Variants in ERO1A observed in about 807,000 individuals in gnomAD.
The protein encoded by ERO1A is ERO1-like protein alpha.
ERO1A carries 49 observed loss-of-function variants against 76.9 expected under a neutral mutation model. The ratio of observed to expected loss-of-function variants is 0.64; its 90% CI spans 0.51 to 0.81. The LOEUF (loss-of-function observed/expected upper bound fraction) is 0.81, where lower values mean the gene tolerates loss of function less well. ERO1A is among the 30% of genes least tolerant of loss of function. ERO1A has a pLI of 0.00. For missense variants in ERO1A, 448 were observed against 542.1 expected, an observed-to-expected ratio of 0.83 and a Z score of 1.72; for synonymous variants, 174 against 181.2, an observed-to-expected ratio of 0.96 and a Z score of 0.32.
chr14:52,678,058 C>T (rs932027675), intron 4 of ERO1A, among the ~76,000 whole-genome samples: 1 of 151,708 alleles, frequency 6.6e-6, no homozygotes, highest in East Asian at 1.9e-4. Flanking sequence ...CAGAGGTCGG[C>T]AATTCGAGAC....
In ERO1A at chr14:52,640,686, T is replaced by C. The variant is rs897878244; in HGVS notation, c.*2884A>G. 3 of 152,126 alleles carry C rather than the reference T, an allele frequency of 2.0e-5. No individual in the cohort carries two copies. The East Asian group carries it at 5.8e-4, about 29-fold the overall frequency. 9.4% of individuals were successfully genotyped at this position (152,126 alleles called of 1,614,324 possible). ...AATAGCAATGAAGATGAAAGAGTGATGTATCAGAGAGGTGGAGATAAAATC... is the reference window on the plus strand; with the variant it reads ...AATAGCAATGAAGATGAAAGAGTGACGTATCAGAGAGGTGGAGATAAAATC... On this transcript the variant is annotated 3_prime_UTR_variant, in exon 16 of 16. Transcript: ENST00000395686.
At chr14:52,666,742 C>G (rs2040424945) in intron 6 of ERO1A, among the ~76,000 whole-genome samples, 1 of 152,116 alleles carries the variant, frequency 6.6e-6, no homozygotes, top group Admixed American at 6.5e-5. Context: ...TCCAGCCTGG[C>G]CAACATAGTG....
chr14:52,644,595 A>C (rs2039580726), intron 15 of ERO1A, among the ~76,000 whole-genome samples: 1 of 152,194 alleles, frequency 6.6e-6, no homozygotes, highest in South Asian at 2.1e-4. Context: ...TCGTATGCTT[A>C]ATATTAAAGT....
At chr14:52,690,723 AC>A (rs1375248070) in intron 1 of ERO1A, among the ~76,000 whole-genome samples, 1 of 152,046 alleles carries the variant, frequency 6.6e-6, no homozygotes, top group Non-Finnish European at 1.5e-5. Context: ...AAGGATAAGG[AC>A]CTTTTATATA....
In ERO1A at chr14:52,683,880, A is replaced by G; in HGVS notation, c.142T>C (p.Cys48Arg). 2 of 1,589,796 alleles carry G rather than the reference A, an allele frequency of 1.3e-6. No individual in the cohort carries two copies. The highest frequency in any genetic ancestry group is 2.2e-5 in the East Asian group (1 of 44,500). Residue 48 changes from cysteine (C) to arginine (R), a missense_variant, in exon 2 of 16, where the codon TGT (cysteine) becomes CGT (arginine). By Grantham distance (180) the Cys-to-Arg change is radical. Around this residue, in one of 2 missense-constraint regions of ERO1A, gnomAD observed 146 missense variants for 130.2 expected, o/e 1.12. Transcript: ENST00000395686. ...QVSGYLDDCT[C>R]DVETIDRFNN... Reference sequence around the variant, plus strand: ...AATCTATCAATGGTTTCAACATCACAGGTACAATCATCCAAGTAACCACTA... The same window carrying G: ...AATCTATCAATGGTTTCAACATCACGGGTACAATCATCCAAGTAACCACTA...
chr14:52,646,599 T>C, intron 13 of ERO1A, 138 bp from the exon 14 acceptor site: 8 of 610,538 alleles, frequency 1.3e-5, no homozygotes, highest in Non-Finnish European at 2.3e-5. Flanking sequence ...TAATATTCAT[T>C]GATTCTACAT....
intron 6 of ERO1A, among the ~76,000 whole-genome samples, chr14:52,667,201 T>C (rs1409970342): frequency 2.0e-5 from 3 of 152,296 alleles, no homozygotes; most frequent in Middle Eastern, 3.4e-3. Context: ...TACTTTCTTC[T>C]TAGATGACCA....
At chr14:52,648,259 G>A (rs539527972) in intron 13 of ERO1A, among the ~76,000 whole-genome samples, 10 of 151,912 alleles carry the variant, frequency 6.6e-5, no homozygotes, top group African/African-American at 1.4e-4. Context: ...AAAACTAACC[G>A]GTAATATTAC....
At position 52,652,314 on chromosome 14, in the gene ERO1A, T is replaced by C; in HGVS notation, c.1056-6A>G. ...CAAAATGCAAAGGAAATGACCTGCGTTTTAAAACAGAGAATATTCATTTTC... is the reference window on the plus strand; with the variant it reads ...CAAAATGCAAAGGAAATGACCTGCGCTTTAAAACAGAGAATATTCATTTTC... On this transcript the variant is annotated splice_region_variant and splice_polypyrimidine_tract_variant and intron_variant, in intron 12 of 15. Transcript: ENST00000395686. The C allele has an allele frequency of 2.5e-6, 4 of 1,597,446 alleles. No homozygotes were observed. The highest frequency in any genetic ancestry group is 3.4e-6 in the Non-Finnish European group (4 of 1,165,248).
At chr14:52,644,498 CTTAATA>C (rs1289742175) in intron 15 of ERO1A, among the ~76,000 whole-genome samples, 1 of 151,828 alleles carries the variant, frequency 6.6e-6, no homozygotes, top group Non-Finnish European at 1.5e-5. Flanking sequence ...AGTATACTCC[CTTAATA>C]TTAAAGTATA....
intron 1 of ERO1A, among the ~76,000 whole-genome samples, chr14:52,688,275 C>A (rs1019263165): frequency 6.6e-6 from 1 of 151,974 alleles, no homozygotes; most frequent in African/African-American, 2.4e-5. Context: ...CCAAGCAAAA[C>A]AGCAAATCCC....
intron 10 of ERO1A, 53 bp downstream of exon 10, chr14:52,658,071 A>C (rs773124743): frequency 6.7e-7 from 1 of 1,499,960 alleles, no homozygotes; most frequent in South Asian, 1.2e-5. Context: ...ACATAAAATT[A>C]ATCTCATGAG....
rs1038658978 is a variant in ERO1A at position 52,642,567 on chromosome 14, C to T, written c.*1003G>A. Reference sequence around the variant, plus strand: ...TTTTTAGTAATTATTCAGTATTACACACTGAAGTATTTAGGGTTTAAGGGG... The same window carrying T: ...TTTTTAGTAATTATTCAGTATTACATACTGAAGTATTTAGGGTTTAAGGGG... On this transcript the variant is annotated 3_prime_UTR_variant, in exon 16 of 16. Transcript: ENST00000395686. 3.3e-5 allele frequency: 5 copies of T among 152,084 alleles called. No homozygotes were observed. The highest frequency in any genetic ancestry group is 2.1e-4 in the South Asian group (1 of 4,828). The allele number at this position is 152,084 out of a possible 1,614,324, so 9.4% of individuals were successfully genotyped here.
rs1350789470 is a variant in ERO1A at position 52,640,566 on chromosome 14, A to C, written c.*3004T>G. ...GGATATTAGGGAGTAACACTGTCAG[A>C]GTGCTTCTAGAAAGCCTGCTGTGGT... On this transcript the variant is annotated 3_prime_UTR_variant, in exon 16 of 16. Transcript: ENST00000395686. 6.6e-6 allele frequency: 1 copy of C among 152,408 alleles called. No homozygotes were observed. The highest frequency in any genetic ancestry group is 2.1e-4 in the South Asian group (1 of 4,834). 9.4% of individuals were successfully genotyped at this position (152,408 alleles called of 1,614,324 possible).
Position 52,683,923 on chromosome 14 carries a change from T to C in ERO1A, c.115-16A>G. 3 of 1,553,714 alleles carry C rather than the reference T, an allele frequency of 1.9e-6. No homozygotes were observed. Among genetic ancestry groups the C allele is most frequent in the Non-Finnish European group, 2.6e-6 (3 of 1,153,264 alleles). On this transcript the variant is annotated splice_polypyrimidine_tract_variant and intron_variant, in intron 1 of 15. Transcript: ENST00000395686. ...AACCACTAACCTGTTACAAAGAAAA[T>C]GAAATATTAAATTGAAATGTCCTAA...
chr14:52,671,470 G>A, intron 6 of ERO1A, 160 bp downstream of exon 6: 1 of 546,820 alleles, frequency 1.8e-6, no homozygotes, highest in East Asian at 3.0e-5. Flanking sequence ...ATGTTGCCCA[G>A]TCTGGATTCA....
chr14:52,658,228 T>G (rs1169915962), intron 9 of ERO1A, 78 bp from the exon 10 acceptor site: 2 of 1,024,816 alleles, frequency 2.0e-6, no homozygotes, highest in South Asian at 2.9e-5. Context: ...TAAAGCATTA[T>G]AGCAAATTTG....
chr14:52,657,270 T>C (rs1435258244), intron 11 of ERO1A, among the ~76,000 whole-genome samples: 1 of 152,106 alleles, frequency 6.6e-6, no homozygotes, highest in East Asian at 1.9e-4. Flanking sequence ...ATGGGACAGC[T>C]CTCCTTCATG....
chr14:52,673,202 C>T (rs1195245511), intron 4 of ERO1A, among the ~76,000 whole-genome samples: 1 of 152,072 alleles, frequency 6.6e-6, no homozygotes, highest in African/African-American at 2.4e-5. Context: ...CAATCTTCCC[C>T]TCTCAGTCTC....
Sources: gnomAD v4.1 joint callset for allele counts (sites outside exome capture counted in the v4.1 genomes callset) on GRCh38, gnomAD v4.1.1 for gene constraint, gnomAD v4.1.1 regional missense constraint, MANE v1.5 for transcripts, NCBI Gene and HGNC (gene_info 2026-07-23, HGNC 2026-07-21) for gene names.